Variants in PDZD2 observed in about 807,000 individuals in gnomAD.
The protein encoded by PDZD2 is PDZ domain containing 2.
Under a neutral mutation model 220.7 loss-of-function variants are expected in PDZD2, and 90 were observed. The ratio of observed to expected loss-of-function variants is 0.41; its 90% confidence interval spans 0.34 to 0.49. PDZD2 has a LOEUF of 0.49. PDZD2 is among the 20% of genes least tolerant of loss of function. The probability of loss-of-function intolerance (pLI) is 0.28; values close to 1 mark genes in which losing one functional copy is unlikely to be tolerated. For missense variants in PDZD2, 3,174 were observed against 3,608.5 expected, an observed-to-expected ratio of 0.88 and a Z score of 3.08; for synonymous variants, 1,375 against 1,450.5, an observed-to-expected ratio of 0.95 and a Z score of 1.18.
At position 32,085,455 on chromosome 5, in the gene PDZD2, T is replaced by A. The variant is rs140307635; in HGVS notation, c.3683-1676T>A. Among the ~76,000 whole-genome samples, 610 of 149,598 alleles carry A rather than the reference T, an allele frequency of 4.1e-3. 40 individuals carry two copies. Among genetic ancestry groups the A allele is most frequent in the African/African-American group, 0.012 (457 of 39,176 alleles). On this transcript the variant is annotated intron_variant, in intron 19 of 24. Transcript: ENST00000438447. ...ATAAATGCAATACCTTATTATTATT[T>A]TTTTTTTTTGAGACGGAGTCTTGCT... is the stretch of plus-strand genomic sequence containing the variant.
At chr5:32,091,670 A>G (rs886499259) in intron 20 of PDZD2, among the ~76,000 whole-genome samples, 1 of 152,238 alleles carries the variant, frequency 6.6e-6, no homozygotes, top group African/African-American at 2.4e-5. Context: ...GAGCAATACC[A>G]TTAACTACAG....
chr5:31,878,832 A>AT (rs1272946446), intron 2 of PDZD2, among the ~76,000 whole-genome samples: 2 of 150,912 alleles, frequency 1.3e-5, no homozygotes, highest in African/African-American at 4.9e-5. Flanking sequence ...AAGTGCTGGG[A>AT]TTACAGGCGT....
chr5:31,645,333 C>CTTT (rs1226259458), intron 1 of PDZD2, among the ~76,000 whole-genome samples: 1 of 122,812 alleles, frequency 8.1e-6, no homozygotes, highest in Non-Finnish European at 1.6e-5. Context: ...CTCTTGGTCT[C>CTTT]TTTTTTTTTT....
intron 2 of PDZD2, among the ~76,000 whole-genome samples, chr5:31,821,443 C>T (rs1011519552): frequency 4.6e-5 from 7 of 151,694 alleles, no homozygotes; most frequent in East Asian, 1.9e-4. Context: ...TGCAATGGCG[C>T]GATCTTGGCT....
At chr5:31,886,513 G>A (rs1357382761) in intron 2 of PDZD2, among the ~76,000 whole-genome samples, 1 of 152,042 alleles carries the variant, frequency 6.6e-6, no homozygotes, top group African/African-American at 2.4e-5. Context: ...ACCCTTCTGA[G>A]AACTGTGGGT....
intron 2 of PDZD2, among the ~76,000 whole-genome samples, chr5:31,927,076 A>G (rs1464747037): frequency 6.6e-6 from 1 of 152,176 alleles, no homozygotes; most frequent in African/African-American, 2.4e-5. Context: ...AGAGGGGGTC[A>G]GGGCCCAGGG....
At chr5:31,849,027 C>A (rs10055031) in intron 2 of PDZD2, among the ~76,000 whole-genome samples, 1 of 151,872 alleles carries the variant, frequency 6.6e-6, no homozygotes. Context: ...CCAGCCTGGG[C>A]GACAGAGCGA....
intron 1 of PDZD2, among the ~76,000 whole-genome samples, chr5:31,757,536 G>A (rs1751366249): frequency 6.6e-6 from 1 of 151,860 alleles, no homozygotes; most frequent in Non-Finnish European, 1.5e-5. Context: ...AGCTTGCAGT[G>A]AGCCGAGATT....
intron 2 of PDZD2, among the ~76,000 whole-genome samples, chr5:31,932,814 T>C (rs1234075601): frequency 6.6e-6 from 1 of 152,104 alleles, no homozygotes; most frequent in African/African-American, 2.4e-5. Context: ...TTTCTGTCTC[T>C]GTGAATTTTA....
In PDZD2 at chr5:32,079,026, A is replaced by AG. The variant is rs1007627806; in HGVS notation, c.3682+1427dup. ...GTAATCCCAGCACTTTGGGATGCCA[A>AG]GGGGGGGCCGATCACTTGAGGTCAG... On this transcript the variant is annotated intron_variant, in intron 19 of 24. Transcript: ENST00000438447. 6.4e-4 allele frequency among the ~76,000 whole-genome samples: 97 copies of AG among 151,722 alleles called. 1 individual carries two copies. Among genetic ancestry groups the AG allele is most frequent in the African/African-American group, 1.9e-3 (78 of 41,322 alleles).
intron 15 of PDZD2, among the ~76,000 whole-genome samples, chr5:32,070,225 G>A (rs1253523365): frequency 6.6e-6 from 1 of 152,116 alleles, no homozygotes; most frequent in Non-Finnish European, 1.5e-5. Context: ...ACATTTCTGA[G>A]CTTGAGATTA....
At chr5:31,990,676 G>T (rs1192548080) in intron 3 of PDZD2, among the ~76,000 whole-genome samples, 1 of 152,190 alleles carries the variant, frequency 6.6e-6, no homozygotes, top group Non-Finnish European at 1.5e-5. Flanking sequence ...CTATTTATGG[G>T]ATATTATAAT....
rs761088238 is a variant in PDZD2, at chr5:32,087,868, C to A, written c.4420C>A (p.Pro1474Thr). 169 of 1,612,010 alleles carry A rather than the reference C, an allele frequency of 1.0e-4. No homozygotes were observed. The highest frequency in any genetic ancestry group is 2.3e-4 in the Admixed American group (14 of 59,814). The part of the protein sequence containing the change: ...AGGGSSCRAE[P>T]VPGGQTSSPR... ...AGGTGGGAGCTCCTGCCGTGCCGAA[C>A]CAGTCCCGGGGGGCCAGACCTCCTC... Residue 1474 changes from proline (P) to threonine (T), a missense_variant, in exon 20 of 25, where the codon CCA becomes ACA. By Grantham distance (38) the Pro-to-Thr change is conservative. Transcript: ENST00000438447. This position sits in a 1 kb window ranked among gnomAD's most constrained non-coding sequence, Gnocchi z 4.0.
At chr5:31,962,967 C>T (rs1159409198) in intron 2 of PDZD2, among the ~76,000 whole-genome samples, 2 of 152,102 alleles carry the variant, frequency 1.3e-5, no homozygotes, top group African/African-American at 4.8e-5. Context: ...GGATGCTTTC[C>T]GTTTTCTCTA....
At chr5:31,901,550 T>C (rs1251997757) in intron 2 of PDZD2, among the ~76,000 whole-genome samples, 1 of 152,200 alleles carries the variant, frequency 6.6e-6, no homozygotes, top group Non-Finnish European at 1.5e-5. Context: ...GGACATACAC[T>C]GCTGGGGAGT....
At chr5:31,972,809 C>G (rs1406627072) in intron 2 of PDZD2, among the ~76,000 whole-genome samples, 1 of 152,166 alleles carries the variant, frequency 6.6e-6, no homozygotes, top group African/African-American at 2.4e-5. Flanking sequence ...TTGTACCACC[C>G]CTCCAGGAAA....
intron 2 of PDZD2, among the ~76,000 whole-genome samples, chr5:31,887,324 A>C (rs1032597347): frequency 6.6e-6 from 1 of 152,154 alleles, no homozygotes; most frequent in Non-Finnish European, 1.5e-5. Flanking sequence ...TGTGTTAGGA[A>C]AGTGACTCTT....
intron 2 of PDZD2, among the ~76,000 whole-genome samples, chr5:31,974,139 C>T (rs1250688153): frequency 6.6e-5 from 10 of 152,168 alleles, no homozygotes; most frequent in Non-Finnish European, 1.5e-5. Flanking sequence ...CGCTACCACG[C>T]CCAGCTAATT....
At chr5:32,052,879 T>C in intron 9 of PDZD2, 149 bp downstream of exon 9, 1 of 758,990 alleles carries the variant, frequency 1.3e-6, no homozygotes, top group South Asian at 1.7e-5. Flanking sequence ...GGTGCAATCA[T>C]GGCTCACTGC....
Sources: allele counts gnomAD v4.1 joint callset (sites outside exome capture counted in the v4.1 genomes callset), GRCh38; gene constraint gnomAD v4.1.1; non-coding constraint Gnocchi (gnomAD v3.1); transcripts MANE v1.5; gene names NCBI Gene and HGNC (gene_info 2026-07-23, HGNC 2026-07-21).